Variants in TCEA3 observed in about 807,000 individuals in gnomAD.
TCEA3 encodes the protein transcription elongation factor A protein 3.
In TCEA3, 36 loss-of-function variants were observed where a neutral mutation model predicts 44.0. That is an observed-to-expected ratio of 0.82 (90% CI 0.63 to 1.08). The LOEUF (loss-of-function observed/expected upper bound fraction) is 1.08. Ranked by LOEUF, TCEA3 falls within the 50% of genes least tolerant of loss-of-function variation. The probability of loss-of-function intolerance (pLI) is 0.00; values close to 1 mark genes in which losing one functional copy is unlikely to be tolerated. For synonymous variants in TCEA3, 162 were observed against 159.7 expected, an observed-to-expected ratio of 1.01 and a Z score of -0.11; for missense variants, 392 against 441.2, an observed-to-expected ratio of 0.89 and a Z score of 1.00.
intron 4 of TCEA3, among the ~76,000 whole-genome samples, chr1:23,409,497 G>A (rs907314020): frequency 3.3e-5 from 5 of 151,988 alleles, no homozygotes; most frequent in Non-Finnish European, 7.4e-5. Context: ...CACTTACCCT[G>A]CCTTCCTTTT....
intron 1 of TCEA3, among the ~76,000 whole-genome samples, chr1:23,421,947 G>A (rs7515139): frequency 0.069 from 10,444 of 152,250 alleles, 676 homozygotes; most frequent in South Asian, 0.23. Context: ...GAATAGCCAT[G>A]AGCCTGGATT....
chr1:23,390,298 G>A (rs974679674), intron 8 of TCEA3, among the ~76,000 whole-genome samples: 34 of 152,254 alleles, frequency 2.2e-4, no homozygotes, highest in African/African-American at 7.0e-4. Flanking sequence ...GCGAAACTTC[G>A]TCTCTACTAA....
At position 23,408,707 on chromosome 1, in the gene TCEA3, T is replaced by C; in HGVS notation, c.400A>G (p.Lys134Glu). 6.2e-6 allele frequency: 10 copies of C among 1,610,762 alleles called. No homozygotes were observed. Among genetic ancestry groups the C allele is most frequent in the Non-Finnish European group, 8.5e-6 (10 of 1,178,658 alleles). ...TTTGGAGAGGAGGAGGCAGAAGACTTGGAGTCCACAGAGTCTCTCCTGAAA... is the reference window on the plus strand; with the variant it reads ...TTTGGAGAGGAGGAGGCAGAAGACTCGGAGTCCACAGAGTCTCTCCTGAAA... ...PKTRRDSVDS[K>E]SSASSSPKRP... The change falls in exon 5 of 11, where the codon AAG (lysine) becomes GAG (glutamate). Residue 134 changes from lysine to glutamate, a missense_variant. Transcript: ENST00000450454.
intron 9 of TCEA3, among the ~76,000 whole-genome samples, chr1:23,385,895 G>C (rs1638821396): frequency 6.6e-6 from 1 of 151,130 alleles, no homozygotes; most frequent in Non-Finnish European, 1.5e-5. Flanking sequence ...CTCTGACATT[G>C]GCCTCCTTTC....
chr1:23,384,197 G>T, intron 10 of TCEA3, 149 bp downstream of exon 10: 7 of 1,494,858 alleles, frequency 4.7e-6, no homozygotes, highest in Non-Finnish European at 6.2e-6. Flanking sequence ...ACAGCAATCC[G>T]CCACTATCTC....
At chr1:23,415,777 G>C (rs1340541188) in intron 4 of TCEA3, among the ~76,000 whole-genome samples, 1 of 152,148 alleles carries the variant, frequency 6.6e-6, no homozygotes, top group Non-Finnish European at 1.5e-5. Flanking sequence ...TTCCAAGTAG[G>C]ATACACTTGC....
chr1:23,402,399 C>A (rs1013488522), intron 5 of TCEA3, among the ~76,000 whole-genome samples: 2 of 152,186 alleles, frequency 1.3e-5, no homozygotes, highest in Non-Finnish European at 2.9e-5. Flanking sequence ...CCCTGCACGT[C>A]CTGCCCCTAC....
intron 9 of TCEA3, among the ~76,000 whole-genome samples, chr1:23,385,068 G>A (rs1224551889): frequency 2.6e-5 from 4 of 152,120 alleles, no homozygotes; most frequent in Admixed American, 2.6e-4. Context: ...ATATCATTGG[G>A]ACTATTTAAT....
At chr1:23,406,305 A>G (rs1445739291) in intron 5 of TCEA3, among the ~76,000 whole-genome samples, 3 of 152,288 alleles carry the variant, frequency 2.0e-5, no homozygotes, top group Non-Finnish European at 4.4e-5. Flanking sequence ...TTTCTTTCCA[A>G]TGGCAATCTT....
At chr1:23,399,221 A>C (rs974075373) in intron 5 of TCEA3, among the ~76,000 whole-genome samples, 5 of 135,098 alleles carry the variant, frequency 3.7e-5, no homozygotes, top group African/African-American at 1.3e-4. Context: ...TATGTGGCTC[A>C]ATCTGTCATA....
At chr1:23,407,587 C>T (rs1010221836) in intron 5 of TCEA3, among the ~76,000 whole-genome samples, 1 of 152,046 alleles carries the variant, frequency 6.6e-6, no homozygotes, top group Non-Finnish European at 1.5e-5. Context: ...CAAGCTTTTG[C>T]CTAACGATCA....
chr1:23,388,921 G>A (rs750379744), intron 8 of TCEA3, among the ~76,000 whole-genome samples: 4 of 152,102 alleles, frequency 2.6e-5, no homozygotes, highest in Admixed American at 6.6e-5. Context: ...GAGCTCAAGT[G>A]ATCTGCCTAC....
intron 5 of TCEA3, among the ~76,000 whole-genome samples, chr1:23,403,299 C>T (rs771782956): frequency 1.3e-5 from 2 of 152,216 alleles, no homozygotes; most frequent in African/African-American, 2.4e-5. Flanking sequence ...AGGTTCACAG[C>T]CTGAGACCAA....
chr1:23,388,153 G>A (rs1254168698), intron 8 of TCEA3, among the ~76,000 whole-genome samples: 1 of 152,028 alleles, frequency 6.6e-6, no homozygotes, highest in Non-Finnish European at 1.5e-5. Context: ...GTTGGTGGAA[G>A]GGGAAGGAGG....
rs150663800 is a variant in TCEA3, at chr1:23,394,829, G to A, written c.665-796C>T. 5.5e-3 allele frequency among the ~76,000 whole-genome samples: 833 copies of A among 152,320 alleles called. 11 individuals are homozygous for A. Among genetic ancestry groups the A allele is most frequent in the African/African-American group, 0.019 (772 of 41,572 alleles). On this transcript the variant is annotated intron_variant, in intron 7 of 10. Coordinates refer to ENST00000450454, the MANE Select transcript of TCEA3 (RefSeq NM_003196.3). ...GGCTGGAAGCCAGACCCCTCCTGAC[G>A]GTAACTCTCTCCACTCACCCGGCAG...
Position 23,384,419 on chromosome 1 carries a change from T to TGA in TCEA3, c.967-4_967-3dup. 1 of 1,612,368 alleles carries TGA rather than the reference T, an allele frequency of 6.2e-7. No individual in the cohort carries two copies. Among genetic ancestry groups the TGA allele is most frequent in the African/African-American group, 1.3e-5 (1 of 75,024 alleles). ...CTCATCAGCACTGCGTGTCTGCACC[T>TGA]GAGAGAGAGAAGAACCACTCATGAA... On this transcript the variant is annotated splice_polypyrimidine_tract_variant and splice_region_variant and intron_variant, in intron 9 of 10. Transcript: ENST00000450454.
chr1:23,418,941 C>T (rs1227484735), intron 2 of TCEA3, 136 bp downstream of exon 2: 1 of 630,914 alleles, frequency 1.6e-6, no homozygotes, highest in South Asian at 2.9e-5. Context: ...TGGGAGGTCT[C>T]CACCTCAAGA....
Position 23,381,335 on chromosome 1 carries a change from C to G in TCEA3, c.*131G>C, listed in dbSNP as rs1638667413. 1 of 702,776 alleles carries G rather than the reference C, an allele frequency of 1.4e-6. No individual in the cohort carries two copies. Among genetic ancestry groups the G allele is most frequent in the South Asian group, 1.6e-5 (1 of 61,596 alleles). The allele number at this position is 702,776 out of a possible 1,614,324, so 43.5% of individuals were successfully genotyped here. Reference sequence around the variant, plus strand: ...ATTAATTTGCAAGAGAATTCTTCCTCTAACTCATACCATCCCACTCAGACA... The same window carrying G: ...ATTAATTTGCAAGAGAATTCTTCCTGTAACTCATACCATCCCACTCAGACA... On this transcript the variant is annotated 3_prime_UTR_variant, in exon 11 of 11. Coordinates refer to ENST00000450454, the MANE Select transcript of TCEA3 (RefSeq NM_003196.3).
In TCEA3 at chr1:23,396,103, G is replaced by A. The variant is rs542897158; in HGVS notation, c.664+1442C>T. ...AGGTATTGCTGATTAATCATTAAAT[G>A]AGAGTAGAGAGAAACCACCAGAAAA... On this transcript the variant is annotated intron_variant, in intron 7 of 10. Coordinates refer to ENST00000450454, the MANE Select transcript of TCEA3 (RefSeq NM_003196.3). Among the ~76,000 whole-genome samples the A allele has an allele frequency of 2.0e-5, 3 of 152,270 alleles. No homozygotes were observed. In the South Asian group the frequency reaches 6.2e-4, roughly 32 times the overall value.
Sources: allele counts gnomAD v4.1 joint callset (sites outside exome capture counted in the v4.1 genomes callset), GRCh38; gene constraint gnomAD v4.1.1; transcripts MANE v1.5; gene names NCBI Gene and HGNC (gene_info 2026-07-23, HGNC 2026-07-21).